The following DAAM1 variants were observed in gnomAD, a reference collection of about 807,000 sequenced individuals.
The protein encoded by DAAM1 is dishevelled associated activator of morphogenesis 1.
A neutral mutation model predicts 130.0 loss-of-function variants in DAAM1; 52 were observed. The ratio of observed to expected loss-of-function variants is 0.40; its 90% CI spans 0.32 to 0.50. The LOEUF (loss-of-function observed/expected upper bound fraction) is 0.50, where lower values mean the gene tolerates loss of function less well. Ranked by LOEUF, DAAM1 falls within the 20% of genes least tolerant of loss-of-function variation. DAAM1 has a pLI of 0.61. For synonymous variants in DAAM1, 452 were observed against 444.5 expected (o/e 1.02, Z -0.21); for missense variants, 1,134 against 1,303.8 (o/e 0.87, Z 2.01).
chr14:59,364,583 C>T (rs1193763615), intron 23 of DAAM1, among the ~76,000 whole-genome samples: 2 of 152,116 alleles, frequency 1.3e-5, no homozygotes, highest in African/African-American at 4.8e-5. Context: ...TCTTCCCCAC[C>T]CCATTGGTTC....
intron 2 of DAAM1, among the ~76,000 whole-genome samples, chr14:59,285,922 C>T (rs976477953): frequency 6.6e-6 from 1 of 152,054 alleles, no homozygotes. Flanking sequence ...GCCAATTGGA[C>T]CTAATAGACA....
chr14:59,232,875 G>A (rs1419041882), intron 1 of DAAM1, among the ~76,000 whole-genome samples: 4 of 152,006 alleles, frequency 2.6e-5, no homozygotes, highest in African/African-American at 7.2e-5. Flanking sequence ...TCCCACTTAT[G>A]AGTGAGAACA....
chr14:59,213,036 C>G (rs1177955112), intron 1 of DAAM1, among the ~76,000 whole-genome samples: 2 of 152,020 alleles, frequency 1.3e-5, no homozygotes, highest in Non-Finnish European at 2.9e-5. Flanking sequence ...GCCCCCCATT[C>G]CACACACCAC....
At chr14:59,288,976 GC>G (rs1377557911) in intron 2 of DAAM1, among the ~76,000 whole-genome samples, 1 of 152,116 alleles carries the variant, frequency 6.6e-6, no homozygotes, top group Admixed American at 6.6e-5. Context: ...GAGTGCAGTG[GC>G]ACAATCTCCG....
rs1348895678 is a variant in DAAM1, at chr14:59,322,778, CT to C, written c.441-110del. 18 of 840,398 alleles carry C rather than the reference CT, an allele frequency of 2.1e-5. 1 individual carries two copies. The highest frequency in any genetic ancestry group is 1.5e-4 in the African/African-American group (9 of 59,014). The allele number at this position is 840,398 out of a possible 1,614,324, so 52.1% of individuals were successfully genotyped here. ...TTAAAAAGACTTCATCAATGTAAGCCTTTTGGCACTTTAGGAACTAAATCTT... is the reference window on the plus strand; with the variant it reads ...TTAAAAAGACTTCATCAATGTAAGCCTTTGGCACTTTAGGAACTAAATCTT... On this transcript the variant is annotated intron_variant, in intron 5 of 24. Transcript: ENST00000360909.
rs1328951734 is a variant in DAAM1 at position 59,370,870 on chromosome 14, C to G, written c.*2011C>G. The G allele has an allele frequency of 1.3e-5, 2 of 152,084 alleles. No individual in the cohort carries two copies. The highest frequency in any genetic ancestry group is 2.9e-5 in the Non-Finnish European group (2 of 68,008). The allele number at this position is 152,084 out of a possible 1,614,324, so 9.4% of individuals were successfully genotyped here. A position where few individuals can be genotyped will look rare whatever the true frequency, so the allele number is the denominator to read the frequency against. ...GTAGCAGGATAAATTTGGTCTGGCT[C>G]AGTTTTGGAACTGTATTTTGAAAAT... On this transcript the variant is annotated 3_prime_UTR_variant, in exon 25 of 25. Transcript: ENST00000360909.
At chr14:59,193,228 C>T (rs1278712635) in intron 1 of DAAM1, among the ~76,000 whole-genome samples, 1 of 152,202 alleles carries the variant, frequency 6.6e-6, no homozygotes, top group African/African-American at 2.4e-5. Flanking sequence ...CTTGAAGATG[C>T]ATTCACTTAG....
intron 4 of DAAM1, among the ~76,000 whole-genome samples, chr14:59,316,717 G>C (rs112454108): frequency 6.6e-6 from 1 of 152,126 alleles, no homozygotes; most frequent in African/African-American, 2.4e-5. Context: ...TAATAATTTG[G>C]AGCCATTTAT....
chr14:59,189,354 A>T (rs1887655868), intron 1 of DAAM1, among the ~76,000 whole-genome samples: 1 of 152,204 alleles, frequency 6.6e-6, no homozygotes, highest in Non-Finnish European at 1.5e-5. Context: ...AATTCAGACT[A>T]AGTTGGACCT....
At chr14:59,226,158 A>G (rs576979880) in intron 1 of DAAM1, among the ~76,000 whole-genome samples, 1 of 152,264 alleles carries the variant, frequency 6.6e-6, no homozygotes, top group African/African-American at 2.4e-5. Flanking sequence ...TGCATTTGGT[A>G]GAATATCCCC....
At chr14:59,326,781 A>T in intron 11 of DAAM1, 133 bp downstream of exon 11, 1 of 1,496,742 alleles carries the variant, frequency 6.7e-7, no homozygotes, top group Non-Finnish European at 9.1e-7. Flanking sequence ...GTACACATGC[A>T]CTATAGCTAA....
At chr14:59,337,138 A>G (rs1594832869) in intron 15 of DAAM1, among the ~76,000 whole-genome samples, 1 of 151,944 alleles carries the variant, frequency 6.6e-6, no homozygotes, top group African/African-American at 2.4e-5. Context: ...TCAACTAGCA[A>G]CTCTCTCTTT....
chr14:59,225,019 G>GGTTTTTTTTTT (rs1566656869), intron 1 of DAAM1, among the ~76,000 whole-genome samples: 2 of 90,784 alleles, frequency 2.2e-5, no homozygotes, highest in Non-Finnish European at 4.2e-5. Flanking sequence ...ATCTGTGTGG[G>GGTTTTTTTTTT]TTTTTTTTTT....
intron 1 of DAAM1, among the ~76,000 whole-genome samples, chr14:59,207,644 C>T (rs1189246803): frequency 6.6e-6 from 1 of 152,174 alleles, no homozygotes; most frequent in African/African-American, 2.4e-5. Flanking sequence ...ATGACAACAT[C>T]CTCGTGTTAC....
intron 2 of DAAM1, among the ~76,000 whole-genome samples, chr14:59,286,946 A>G (rs1566685059): frequency 6.6e-6 from 1 of 152,036 alleles, no homozygotes; most frequent in Non-Finnish European, 1.5e-5. Flanking sequence ...AACCAGCATC[A>G]CCCTGATACC....
intron 9 of DAAM1, 27 bp from the exon 10 acceptor site, chr14:59,325,928 GTTTGA>G (rs768320422): frequency 6.2e-7 from 1 of 1,602,314 alleles, no homozygotes; most frequent in Non-Finnish European, 8.6e-7. Context: ...GAACTTAGAT[GTTTGA>G]TTTGATTTCT....
At chr14:59,317,534 A>G (rs960872126) in intron 4 of DAAM1, among the ~76,000 whole-genome samples, 4 of 152,172 alleles carry the variant, frequency 2.6e-5, no homozygotes, top group African/African-American at 9.7e-5. Context: ...CCCAGCAGCT[A>G]GACTCTTTGG....
At chr14:59,315,188 G>T (rs1884739610) in intron 3 of DAAM1, 92 bp from the exon 4 acceptor site, 1 of 1,106,264 alleles carries the variant, frequency 9.0e-7, no homozygotes, top group Non-Finnish European at 1.4e-6. Context: ...GCTTGAGTGG[G>T]TCATTGTCTG....
chr14:59,321,385 A>C (rs947103312), intron 5 of DAAM1, among the ~76,000 whole-genome samples: 3 of 152,234 alleles, frequency 2.0e-5, no homozygotes, highest in Non-Finnish European at 4.4e-5. Context: ...AGCTCTGTGA[A>C]TATACTAAAA....
Sources: gnomAD v4.1 joint callset for allele counts (sites outside exome capture counted in the v4.1 genomes callset) on GRCh38, gnomAD v4.1.1 for gene constraint, MANE v1.5 for transcripts, NCBI Gene and HGNC (gene_info 2026-07-23, HGNC 2026-07-21) for gene names.